Variants in TOMM70 observed in about 807,000 individuals in gnomAD.
TOMM70 encodes translocase of outer mitochondrial membrane 70.
In TOMM70, 13 loss-of-function variants were observed where a neutral mutation model predicts 73.6. That is an observed-to-expected ratio of 0.18 (90% CI 0.11 to 0.28). The LOEUF (loss-of-function observed/expected upper bound fraction) is 0.28. TOMM70 is among the 10% of genes least tolerant of loss of function. The pLI is 1.00. For synonymous variants in TOMM70, 257 were observed against 271.2 expected, an observed-to-expected ratio of 0.95 and a Z score of 0.51; for missense variants, 609 against 747.5, an observed-to-expected ratio of 0.81 and a Z score of 2.16.
chr3:100,371,199 T>C (rs918941810), intron 9 of TOMM70, among the ~76,000 whole-genome samples: 1 of 151,008 alleles, frequency 6.6e-6, no homozygotes, highest in Admixed American at 6.6e-5. Flanking sequence ...ATGAAGGAAA[T>C]TAAAAACAAA....
intron 11 of TOMM70, among the ~76,000 whole-genome samples, chr3:100,366,283 T>C (rs1706446961): frequency 6.6e-6 from 1 of 152,204 alleles, no homozygotes; most frequent in African/African-American, 2.4e-5. Context: ...ACTCAATAAA[T>C]ACTCAGATTT....
intron 1 of TOMM70, among the ~76,000 whole-genome samples, chr3:100,395,033 C>G (rs550423308): frequency 6.6e-6 from 1 of 152,258 alleles, no homozygotes; most frequent in East Asian, 1.9e-4. Flanking sequence ...GATTGTAGGT[C>G]ATGCATAATC....
At chr3:100,386,730 T>A in intron 2 of TOMM70, 75 bp downstream of exon 2, 1 of 1,506,660 alleles carries the variant, frequency 6.6e-7, no homozygotes, top group Non-Finnish European at 9.0e-7. Context: ...TAGGTTTATT[T>A]GAGTAGCTTT....
At chr3:100,386,420 G>A in intron 2 of TOMM70, 76 bp from the exon 3 acceptor site, 1 of 1,408,412 alleles carries the variant, frequency 7.1e-7, no homozygotes, top group Non-Finnish European at 9.4e-7. Context: ...AACTTGATAG[G>A]TTGAGTATTA....
At chr3:100,388,202 G>C (rs1383878806) in intron 1 of TOMM70, among the ~76,000 whole-genome samples, 1 of 152,166 alleles carries the variant, frequency 6.6e-6, no homozygotes, top group African/African-American at 2.4e-5. Context: ...AGGACTAACA[G>C]AGACTGCTAC....
At chr3:100,369,365 A>G (rs1297145953) in intron 9 of TOMM70, among the ~76,000 whole-genome samples, 1 of 152,206 alleles carries the variant, frequency 6.6e-6, no homozygotes, top group Non-Finnish European at 1.5e-5. Context: ...GGTTAGTTAT[A>G]TGCCACAGCA....
intron 9 of TOMM70, chr3:100,372,375 C>T: frequency 2.7e-6 from 1 of 375,516 alleles, no homozygotes; most frequent in African/African-American, 2.1e-5. Flanking sequence ...GAGGGAAATT[C>T]TCGCCTTAAG....
At chr3:100,379,548 A>C (rs2148891269) in intron 5 of TOMM70, among the ~76,000 whole-genome samples, 1 of 152,310 alleles carries the variant, frequency 6.6e-6, no homozygotes, top group South Asian at 2.1e-4. Context: ...GGATAGCTTG[A>C]TTCCAGGAGT....
chr3:100,387,218 G>A (rs891232986), intron 1 of TOMM70, among the ~76,000 whole-genome samples: 2 of 152,094 alleles, frequency 1.3e-5, no homozygotes, highest in Non-Finnish European at 2.9e-5. Flanking sequence ...AGGCTGAGGC[G>A]GGTGGATCAC....
intron 7 of TOMM70, among the ~76,000 whole-genome samples, chr3:100,374,435 T>C (rs1706541752): frequency 6.6e-6 from 1 of 152,212 alleles, no homozygotes; most frequent in Admixed American, 6.5e-5. Context: ...TCGGCTCTTC[T>C]GTTATTATTA....
intron 1 of TOMM70, among the ~76,000 whole-genome samples, chr3:100,388,304 G>C (rs746990097): frequency 1.4e-4 from 22 of 152,128 alleles, no homozygotes; most frequent in Non-Finnish European, 2.8e-4. Flanking sequence ...GCAATCGTCA[G>C]GGTGATTGCT....
intron 5 of TOMM70, among the ~76,000 whole-genome samples, chr3:100,380,239 G>C (rs1195460147): frequency 2.0e-5 from 3 of 152,094 alleles, no homozygotes; most frequent in African/African-American, 7.2e-5. Flanking sequence ...CAGCTACTAG[G>C]GAAGCTGAGG....
In TOMM70 at chr3:100,388,206, C is replaced by A. The variant is rs116586970; in HGVS notation, c.325-1228G>T. On this transcript the variant is annotated intron_variant, in intron 1 of 11. Coordinates refer to ENST00000284320, the MANE Select transcript of TOMM70 (RefSeq NM_014820.5). ...GAATATGTGCCAGGACTAACAGAGA[C>A]TGCTACAGGACTGACAGAGAAACAC... Among the ~76,000 whole-genome samples, 515 of 152,282 alleles carry A rather than the reference C, an allele frequency of 3.4e-3. 4 individuals carry two copies. The highest frequency in any genetic ancestry group is 0.014 in the Middle Eastern group (4 of 294).
In TOMM70 at chr3:100,400,800, C is replaced by T; in HGVS notation, c.150G>A (p.Leu50=). ...ACAGGTATATGGCACCCGCGCCCAGCAGCAGGGGTGCCCCGACCGCCAGAG... is the reference window on the plus strand; with the variant it reads ...ACAGGTATATGGCACCCGCGCCCAGTAGCAGGGGTGCCCCGACCGCCAGAG... ...QLALAVGAPL[L]LGAGAIYLWS... The change falls in exon 1 of 12, where the codon CTG becomes CTA. Residue 50 remains leucine (L), a synonymous_variant. Transcript: ENST00000284320. The T allele has an allele frequency of 1.9e-6, 3 of 1,538,946 alleles. No individual in the cohort carries two copies. Among genetic ancestry groups the T allele is most frequent in the Non-Finnish European group, 2.6e-6 (3 of 1,150,480 alleles).
rs903052965 is a variant in TOMM70 at position 100,369,198 on chromosome 3, C to G, written c.1453-63G>C. The stretch of plus-strand genomic sequence containing the variant: ...GTCAACCTAAGCAGTTAAAAGTATA[C>G]TTATTATTCATTATAAAAATTTACT... On this transcript the variant is annotated intron_variant, in intron 9 of 11. Transcript: ENST00000284320. The G allele has an allele frequency of 7.9e-6, 9 of 1,132,516 alleles. No homozygotes were observed. In the African/African-American group the frequency reaches 1.4e-4, roughly 18 times the overall value. The allele number at this position is 1,132,516 out of a possible 1,614,324, so 70.2% of individuals were successfully genotyped here.
chr3:100,383,679 A>T (rs912055808), intron 4 of TOMM70, among the ~76,000 whole-genome samples: 2 of 152,244 alleles, frequency 1.3e-5, no homozygotes, highest in African/African-American at 4.8e-5. Flanking sequence ...CAGAGATATA[A>T]AATTAAAAAT....
intron 11 of TOMM70, among the ~76,000 whole-genome samples, chr3:100,367,059 C>T (rs1029468084): frequency 6.6e-6 from 1 of 152,038 alleles, no homozygotes; most frequent in Admixed American, 6.6e-5. Context: ...ATCTCTGCTA[C>T]AAATACAAAA....
intron 1 of TOMM70, among the ~76,000 whole-genome samples, chr3:100,397,150 G>A (rs565054898): frequency 6.6e-6 from 1 of 152,218 alleles, no homozygotes; most frequent in Non-Finnish European, 1.5e-5. Context: ...ATCAGTGAAA[G>A]CAAATGCTTC....
At chr3:100,374,283 C>T (rs1055433554) in intron 7 of TOMM70, among the ~76,000 whole-genome samples, 1 of 152,178 alleles carries the variant, frequency 6.6e-6, no homozygotes, top group African/African-American at 2.4e-5. Flanking sequence ...CTACAACATA[C>T]AGCTTAGGTG....
Sources: gnomAD v4.1 joint callset for allele counts (sites outside exome capture counted in the v4.1 genomes callset) on GRCh38, gnomAD v4.1.1 for gene constraint, MANE v1.5 for transcripts, NCBI Gene and HGNC (gene_info 2026-07-23, HGNC 2026-07-21) for gene names.